The following ERP44 variants were observed in gnomAD, a reference collection of about 807,000 sequenced individuals.
The protein encoded by ERP44 is endoplasmic reticulum resident protein 44.
A neutral mutation model predicts 53.4 loss-of-function variants in ERP44; 25 were observed. The observed-to-expected ratio is 0.47, with a 90% CI of 0.34 to 0.65. ERP44 has a LOEUF of 0.65. ERP44 is among the 30% of genes least tolerant of loss of function. ERP44 has a pLI of 0.01. For synonymous variants in ERP44, 145 were observed against 161.2 expected (o/e 0.90, Z 0.76); for missense variants, 338 against 493.2 (o/e 0.69, Z 2.98).
At chr9:100,068,221 C>A (rs562872206) in intron 1 of ERP44, among the ~76,000 whole-genome samples, 1 of 145,154 alleles carries the variant, frequency 6.9e-6, no homozygotes, top group African/African-American at 2.6e-5. Flanking sequence ...GTCAGCCCTG[C>A]GCCCGGCCAG....
chr9:99,988,897 T>C (rs1830223409), intron 10 of ERP44, among the ~76,000 whole-genome samples: 1 of 152,236 alleles, frequency 6.6e-6, no homozygotes, highest in Non-Finnish European at 1.5e-5. Context: ...CCTGGCTCAG[T>C]GGCTCCCACG....
chr9:99,998,061 T>C (rs1462341915), intron 10 of ERP44, among the ~76,000 whole-genome samples: 1 of 152,240 alleles, frequency 6.6e-6, no homozygotes, highest in Non-Finnish European at 1.5e-5. Flanking sequence ...CTGTTTTGGC[T>C]AAACAACAAA....
intron 10 of ERP44, among the ~76,000 whole-genome samples, chr9:100,001,340 T>TATA (rs1407426543): frequency 6.6e-6 from 1 of 152,214 alleles, no homozygotes; most frequent in African/African-American, 2.4e-5. Context: ...GAATGTTCTA[T>TATA]ATAAGTATGT....
At chr9:100,002,092 C>A (rs1472814256) in intron 10 of ERP44, among the ~76,000 whole-genome samples, 1 of 149,802 alleles carries the variant, frequency 6.7e-6, no homozygotes, top group East Asian at 2.0e-4. Flanking sequence ...GTCCTATGCT[C>A]ATAACAGGCT....
chr9:100,038,770 A>G (rs1454653561), intron 4 of ERP44, among the ~76,000 whole-genome samples: 1 of 152,148 alleles, frequency 6.6e-6, no homozygotes, highest in Non-Finnish European at 1.5e-5. Context: ...CTCTACCTCT[A>G]AAGACATACA....
At chr9:100,035,495 G>A (rs1245959974) in intron 4 of ERP44, among the ~76,000 whole-genome samples, 2 of 152,106 alleles carry the variant, frequency 1.3e-5, no homozygotes, top group African/African-American at 4.8e-5. Flanking sequence ...AGGCAACATG[G>A]TGAAACGCCA....
chr9:99,985,514 C>T (rs748212610), intron 10 of ERP44, among the ~76,000 whole-genome samples: 70 of 152,308 alleles, frequency 4.6e-4, no homozygotes, highest in African/African-American at 7.2e-4. Flanking sequence ...AGCACTACTG[C>T]GAACCTATAA....
intron 4 of ERP44, among the ~76,000 whole-genome samples, chr9:100,041,919 C>T (rs1017376627): frequency 1.3e-5 from 2 of 152,142 alleles, no homozygotes; most frequent in Admixed American, 1.3e-4. Context: ...AATGGATTAA[C>T]GACTTAAATC....
At chr9:100,043,273 A>G (rs1237944425) in intron 4 of ERP44, among the ~76,000 whole-genome samples, 1 of 145,064 alleles carries the variant, frequency 6.9e-6, no homozygotes, top group Non-Finnish European at 1.5e-5. Flanking sequence ...AAAAAAAAAA[A>G]AAAAAAAAAA....
intron 4 of ERP44, among the ~76,000 whole-genome samples, chr9:100,026,684 A>C (rs956125398): frequency 2.0e-5 from 3 of 152,232 alleles, no homozygotes; most frequent in African/African-American, 2.4e-5. Flanking sequence ...TGAAAGTAAA[A>C]TATTCCTAGT....
intron 1 of ERP44, among the ~76,000 whole-genome samples, chr9:100,065,189 T>C (rs1826195626): frequency 1.3e-5 from 2 of 152,182 alleles, no homozygotes; most frequent in African/African-American, 2.4e-5. Context: ...TTTTATACTA[T>C]ATTTTTACTG....
chr9:99,985,033 T>A lies in ERP44; in HGVS notation c.1053A>T (p.Leu351Phe). 6.2e-7 allele frequency: 1 copy of A among 1,613,490 alleles called. No individual in the cohort carries two copies. The highest frequency in any genetic ancestry group is 1.1e-5 in the South Asian group (1 of 91,038). ...PGKLKQFVFD[L>F]HSGKLHREFH... is the part of the protein sequence containing the mutation. ...ATTCTCTGTGCAGTTTTCCAGAATGTAAGTCAAATACGAATTGCTTGAGTT... is the reference window on the plus strand; with the variant it reads ...ATTCTCTGTGCAGTTTTCCAGAATGAAAGTCAAATACGAATTGCTTGAGTT... Residue 351 changes from leucine (L) to phenylalanine (F), a missense_variant, in exon 11 of 12, where the codon TTA becomes TTT. Physicochemically the swap from Leu to Phe is conservative, Grantham distance 22. This residue lies in a region of ERP44 where 113 missense variants were observed against 172.6 expected (regional missense o/e 0.65). Coordinates refer to ENST00000262455, the MANE Select transcript of ERP44 (RefSeq NM_015051.3).
chr9:100,086,464 A>G (rs1826484231), intron 1 of ERP44, among the ~76,000 whole-genome samples: 1 of 152,196 alleles, frequency 6.6e-6, no homozygotes, highest in Admixed American at 6.5e-5. Context: ...CACAAGCACT[A>G]TCCTTTTCTA....
chr9:100,066,491 C>T (rs918983491), intron 1 of ERP44, among the ~76,000 whole-genome samples: 3 of 152,228 alleles, frequency 2.0e-5, no homozygotes, highest in East Asian at 1.9e-4. Flanking sequence ...GCTGTAATAG[C>T]TTAGTGTATT....
chr9:100,062,152 C>T (rs560270721), intron 1 of ERP44, among the ~76,000 whole-genome samples: 4 of 152,246 alleles, frequency 2.6e-5, no homozygotes, highest in African/African-American at 9.6e-5. Flanking sequence ...GATCATACCC[C>T]CTTTGTCCAG....
chr9:100,091,046 G>A (rs1260626607), intron 1 of ERP44, among the ~76,000 whole-genome samples: 1 of 152,114 alleles, frequency 6.6e-6, no homozygotes, highest in Non-Finnish European at 1.5e-5. Flanking sequence ...TCAGCCTATG[G>A]TTTTCTTTAG....
intron 10 of ERP44, chr9:99,998,369 C>T (rs547621098): frequency 2.2e-5 from 13 of 594,936 alleles, no homozygotes; most frequent in African/African-American, 3.7e-5. Flanking sequence ...CTCCCGCTTC[C>T]GCCACACGCG....
chr9:100,059,696 TA>T (rs1482711940), intron 2 of ERP44, among the ~76,000 whole-genome samples: 4 of 151,560 alleles, frequency 2.6e-5, no homozygotes, highest in African/African-American at 9.7e-5. Flanking sequence ...ACCCTTTCTC[TA>T]AAATAAAAAA....
intron 10 of ERP44, among the ~76,000 whole-genome samples, chr9:100,004,501 G>C (rs1019703633): frequency 1.2e-4 from 19 of 152,300 alleles, no homozygotes; most frequent in African/African-American, 4.3e-4. Flanking sequence ...CAGTTCATGG[G>C]TACCAGCCTG....
Sources: gnomAD v4.1 joint callset for allele counts (sites outside exome capture counted in the v4.1 genomes callset) on GRCh38, gnomAD v4.1.1 for gene constraint, gnomAD v4.1.1 regional missense constraint, MANE v1.5 for transcripts, NCBI Gene and HGNC (gene_info 2026-07-23, HGNC 2026-07-21) for gene names.